The following JAKMIP1 variants were observed in gnomAD, a reference collection of about 807,000 sequenced individuals.
JAKMIP1 encodes the protein janus kinase and microtubule interacting protein 1, also known as janus kinase and microtubule-interacting protein 1.
A neutral mutation model predicts 113.0 loss-of-function variants in JAKMIP1; 33 were observed. That is an observed-to-expected ratio of 0.29 (90% CI 0.22 to 0.39). JAKMIP1 has a LOEUF of 0.39. Among genes scored for constraint, JAKMIP1 ranks in the 10% least tolerant of loss-of-function variants. The pLI is 1.00. For missense variants in JAKMIP1, 813 were observed against 1,080.5 expected, an observed-to-expected ratio of 0.75 and a Z score of 3.47; for synonymous variants, 480 against 459.9, an observed-to-expected ratio of 1.04 and a Z score of -0.56.
At chr4:6,028,884 T>C (rs1291773511) in intron 20 of JAKMIP1, among the ~76,000 whole-genome samples, 1 of 152,246 alleles carries the variant, frequency 6.6e-6, no homozygotes, top group Non-Finnish European at 1.5e-5. Context: ...TCTAGAATCA[T>C]TTGCGTACTC....
At chr4:6,047,402 G>T (rs1300030743) in intron 16 of JAKMIP1, among the ~76,000 whole-genome samples, 1 of 152,260 alleles carries the variant, frequency 6.6e-6, no homozygotes. Flanking sequence ...GCCACGGAGG[G>T]TTTTGCTGCT....
At chr4:6,039,350 G>A (rs1206844289) in intron 18 of JAKMIP1, among the ~76,000 whole-genome samples, 3 of 152,120 alleles carry the variant, frequency 2.0e-5, no homozygotes, top group South Asian at 2.1e-4. Context: ...CATTCCTCTC[G>A]GAGCCTCAAC....
intron 20 of JAKMIP1, among the ~76,000 whole-genome samples, chr4:6,028,986 A>T (rs1712227250): frequency 6.6e-6 from 1 of 152,248 alleles, no homozygotes; most frequent in South Asian, 2.1e-4. Context: ...TCAAGGACTC[A>T]CAGCCATCCG....
rs1328233119 is a variant in JAKMIP1 at position 6,200,439 on chromosome 4, T to C, written c.-334A>G. 1 of 150,248 alleles carries C rather than the reference T, an allele frequency of 6.7e-6. No individual in the cohort carries two copies. Among genetic ancestry groups the C allele is most frequent in the African/African-American group, 2.4e-5 (1 of 40,820 alleles). 9.3% of individuals were successfully genotyped at this position (150,248 alleles called of 1,614,324 possible). On this transcript the variant is annotated 5_prime_UTR_variant, in exon 1 of 21. Transcript: ENST00000409021. The surrounding 1 kb of genome is among the most constrained non-coding windows in gnomAD (Gnocchi z 7.0). ...CACAAAAAAAATCGTAAAAAGCAAT[T>C]GAGGAGGATGGCAGTCGCGCGCGCG...
At chr4:6,107,554 T>TA (rs1714162924) in intron 2 of JAKMIP1, among the ~76,000 whole-genome samples, 1 of 152,090 alleles carries the variant, frequency 6.6e-6, no homozygotes, top group Admixed American at 6.5e-5. Flanking sequence ...ATCCAATCAG[T>TA]CGAAGGCTTT....
In JAKMIP1 at chr4:6,153,303, A is replaced by G. The variant is rs936998864; in HGVS notation, c.-147-40306T>C. On this transcript the variant is annotated intron_variant, in intron 1 of 20. Coordinates refer to ENST00000409021, the MANE Select transcript of JAKMIP1 (RefSeq NM_001099433.2). The surrounding 1 kb of genome is among the most constrained non-coding windows in gnomAD (Gnocchi z 4.9). ...CTTCCCCGAGCCTGGCCTCCTTCACACAGGCCTTGGTCACAGGCAGATCTG... is the reference window on the plus strand; with the variant it reads ...CTTCCCCGAGCCTGGCCTCCTTCACGCAGGCCTTGGTCACAGGCAGATCTG... 6.6e-6 allele frequency among the ~76,000 whole-genome samples: 1 copy of G among 152,130 alleles called. No individual in the cohort carries two copies. The highest frequency in any genetic ancestry group is 2.1e-4 in the South Asian group (1 of 4,824).
At chr4:6,161,277 G>A (rs562721090) in intron 1 of JAKMIP1, among the ~76,000 whole-genome samples, 1 of 149,066 alleles carries the variant, frequency 6.7e-6, no homozygotes, top group African/African-American at 2.5e-5. Context: ...CACTTCCCCT[G>A]ACCTCCACTC....
rs547961960 is a variant in JAKMIP1, at chr4:6,040,488, G to A, written c.2175+151C>T. The A allele has an allele frequency of 1.3e-4, 92 of 708,740 alleles. 1 individual carries two copies. Among genetic ancestry groups the A allele is most frequent in the South Asian group, 1.1e-3 (75 of 66,304 alleles). 43.9% of individuals were successfully genotyped at this position (708,740 alleles called of 1,614,324 possible). On this transcript the variant is annotated intron_variant, in intron 18 of 20. Transcript: ENST00000409021. The surrounding 1 kb of genome is among the most constrained non-coding windows in gnomAD (Gnocchi z 5.8). ...ATTTGGAAAAAGGGACAGTCTGTAC[G>A]GTCATTCCAGTCACAAGGTGGAGAT...
chr4:6,114,034 TG>T (rs1715364551), intron 1 of JAKMIP1, among the ~76,000 whole-genome samples: 1 of 152,206 alleles, frequency 6.6e-6, no homozygotes, highest in Non-Finnish European at 1.5e-5. Flanking sequence ...TTGGAACACC[TG>T]GTGAGAGAGG....
chr4:6,117,802 T>C (rs1716052680), intron 1 of JAKMIP1, among the ~76,000 whole-genome samples: 1 of 152,218 alleles, frequency 6.6e-6, no homozygotes, highest in South Asian at 2.1e-4. Flanking sequence ...GAAAAGGAAT[T>C]CAGCGATATT....
chr4:6,064,792 G>T lies in JAKMIP1; in HGVS notation c.1431+88C>A. On this transcript the variant is annotated intron_variant, in intron 9 of 20. Transcript: ENST00000409021. The surrounding 1 kb of genome is among the most constrained non-coding windows in gnomAD (Gnocchi z 4.3). Reference sequence around the variant, plus strand: ...TCTGGGGTTCAGAACTATAGGCAAGGGAGCGAAACTTGCAACTATCAAAAG... The same window carrying T: ...TCTGGGGTTCAGAACTATAGGCAAGTGAGCGAAACTTGCAACTATCAAAAG... 6.4e-7 allele frequency: 1 copy of T among 1,553,766 alleles called. No homozygotes were observed. The highest frequency in any genetic ancestry group is 8.8e-7 in the Non-Finnish European group (1 of 1,132,462).
intron 1 of JAKMIP1, 138 bp from the exon 2 acceptor site, chr4:6,113,135 G>A (rs1369012544): frequency 1.5e-5 from 6 of 394,496 alleles, no homozygotes; most frequent in Non-Finnish European, 2.3e-5. Flanking sequence ...GAGCCTTCCC[G>A]ATGGGGGCTG....
chr4:6,115,115 A>G lies in JAKMIP1; in HGVS notation c.-147-2118T>C, dbSNP rs553150650. ...GTACCACAAAGAGTGAAAAAGGTGA[A>G]ATAAAAAAACAGGCTGGGTGTGGTG... On this transcript the variant is annotated intron_variant, in intron 1 of 20. Transcript: ENST00000409021. 9.8e-5 allele frequency among the ~76,000 whole-genome samples: 15 copies of G among 152,338 alleles called. No homozygotes were observed. In the South Asian group the frequency reaches 3.1e-3, roughly 32 times the overall value.
rs894236334 is a variant in JAKMIP1, at chr4:6,049,755, T to G, written c.1962+64A>C. On this transcript the variant is annotated intron_variant, in intron 15 of 20. Transcript: ENST00000409021. The surrounding 1 kb of genome is among the most constrained non-coding windows in gnomAD (Gnocchi z 7.0). Reference sequence around the variant, plus strand: ...AATTAAAAACAAAACAAAACAAAAGTCACACAGAATACACCCAGATCAAAA... The same window carrying G: ...AATTAAAAACAAAACAAAACAAAAGGCACACAGAATACACCCAGATCAAAA... 8.2e-7 allele frequency: 1 copy of G among 1,216,012 alleles called. No homozygotes were observed. Among genetic ancestry groups the G allele is most frequent in the African/African-American group, 1.5e-5 (1 of 66,370 alleles). 75.3% of individuals were successfully genotyped at this position (1,216,012 alleles called of 1,614,324 possible). A position where few individuals can be genotyped will look rare whatever the true frequency, so the allele number is the denominator to read the frequency against.
rs1722578138 is a variant in JAKMIP1, at chr4:6,158,941, T to C, written c.-148+41312A>G. On this transcript the variant is annotated intron_variant, in intron 1 of 20. Coordinates refer to ENST00000409021, the MANE Select transcript of JAKMIP1 (RefSeq NM_001099433.2). The surrounding 1 kb of genome is among the most constrained non-coding windows in gnomAD (Gnocchi z 5.3). ...CCATCTCTACAAAAAATACAAAAAT[T>C]AGCGGGGCATAGTGGCATGCACCTA... Among the ~76,000 whole-genome samples, 1 of 151,888 alleles carries C rather than the reference T, an allele frequency of 6.6e-6. No homozygotes were observed. Among genetic ancestry groups the C allele is most frequent in the Non-Finnish European group, 1.5e-5 (1 of 67,970 alleles).
At chr4:6,037,934 T>C (rs113562010) in intron 18 of JAKMIP1, among the ~76,000 whole-genome samples, 28 of 93,236 alleles carry the variant, frequency 3.0e-4, no homozygotes, top group African/African-American at 1.0e-3. Flanking sequence ...CCTCCATCAC[T>C]GAGTCAGAGG....
chr4:6,199,309 G>A lies in JAKMIP1; in HGVS notation c.-148+944C>T, dbSNP rs1728190698. 6.6e-6 allele frequency among the ~76,000 whole-genome samples: 1 copy of A among 152,228 alleles called. No homozygotes were observed. Among genetic ancestry groups the A allele is most frequent in the Non-Finnish European group, 1.5e-5 (1 of 68,044 alleles). ...GAGACCGGCGAGCTGGGGTGTGTGG[G>A]AGCGGGATGCTTCTAAGGCGAAAAG... On this transcript the variant is annotated intron_variant, in intron 1 of 20. Coordinates refer to ENST00000409021, the MANE Select transcript of JAKMIP1 (RefSeq NM_001099433.2). The surrounding 1 kb of genome is among the most constrained non-coding windows in gnomAD (Gnocchi z 5.6).
At position 6,181,522 on chromosome 4, in the gene JAKMIP1, G is replaced by A. The variant is rs944873188; in HGVS notation, c.-148+18731C>T. Among the ~76,000 whole-genome samples, 9 of 152,188 alleles carry A rather than the reference G, an allele frequency of 5.9e-5. No individual in the cohort carries two copies. The highest frequency in any genetic ancestry group is 8.8e-5 in the Non-Finnish European group (6 of 68,044). On this transcript the variant is annotated intron_variant, in intron 1 of 20. Transcript: ENST00000409021. This position sits in a 1 kb window ranked among gnomAD's most constrained non-coding sequence, Gnocchi z 5.4. ...GAGGAGCTCCTAGCCAAGCAAAGGAGACACTGTAACAAGCCCAGGTGATAA... is the reference window on the plus strand; with the variant it reads ...GAGGAGCTCCTAGCCAAGCAAAGGAAACACTGTAACAAGCCCAGGTGATAA...
rs1466473036 is a variant in JAKMIP1, at chr4:6,106,631, G to T, written c.130-664C>A. ...CAGTCTGGTGAGCTGCCCAGGGTGA[G>T]GGATGAGGACCCTGTGCTACCAGGC... is the stretch of plus-strand genomic sequence containing the variant. On this transcript the variant is annotated intron_variant, in intron 2 of 20. Transcript: ENST00000409021. The surrounding 1 kb of genome is among the most constrained non-coding windows in gnomAD (Gnocchi z 5.9). 6.6e-6 allele frequency among the ~76,000 whole-genome samples: 1 copy of T among 152,154 alleles called. No individual in the cohort carries two copies. The highest frequency in any genetic ancestry group is 1.5e-5 in the Non-Finnish European group (1 of 68,026).
Sources: allele counts gnomAD v4.1 joint callset (sites outside exome capture counted in the v4.1 genomes callset), GRCh38; gene constraint gnomAD v4.1.1; non-coding constraint Gnocchi (gnomAD v3.1); transcripts MANE v1.5; gene names NCBI Gene and HGNC (gene_info 2026-07-23, HGNC 2026-07-21).